Variants in TRAPPC9 observed in about 807,000 individuals in gnomAD.
The protein encoded by TRAPPC9 is IKK2 binding protein.
A neutral mutation model predicts 124.0 loss-of-function variants in TRAPPC9; 83 were observed. The observed-to-expected ratio is 0.67, with a 90% CI of 0.56 to 0.80. The LOEUF (loss-of-function observed/expected upper bound fraction) is 0.80, where lower values mean the gene tolerates loss of function less well. Ranked by LOEUF, TRAPPC9 falls within the 30% of genes least tolerant of loss-of-function variation. The probability of loss-of-function intolerance (pLI) is 0.00; values close to 1 mark genes in which losing one functional copy is unlikely to be tolerated. For missense variants in TRAPPC9, 1,302 were observed against 1,508.3 expected (o/e 0.86, Z 2.27); for synonymous variants, 638 against 617.5 (o/e 1.03, Z -0.49).
At chr8:140,333,608 C>T (rs998295073) in intron 9 of TRAPPC9, among the ~76,000 whole-genome samples, 1 of 152,196 alleles carries the variant, frequency 6.6e-6, no homozygotes, top group Non-Finnish European at 1.5e-5. Context: ...CCAGGCTGGT[C>T]TCAAACTCCT....
intron 16 of TRAPPC9, among the ~76,000 whole-genome samples, chr8:140,242,153 AG>A (rs1792085411): frequency 7.5e-6 from 1 of 134,028 alleles, no homozygotes; most frequent in Non-Finnish European, 1.6e-5. Context: ...AGAGAGAGAG[AG>A]AGAGAGAGAG....
intron 17 of TRAPPC9, among the ~76,000 whole-genome samples, chr8:140,204,764 GCCTGCAGAACCATGA>G (rs2062882442): frequency 6.6e-6 from 1 of 152,212 alleles, no homozygotes; most frequent in African/African-American, 2.4e-5. Context: ...CTTCCTTGCA[GCCTGCAGAACCATGA>G]GCCAGTTAAA....
chr8:139,847,072 G>A (rs1827130900), intron 21 of TRAPPC9, among the ~76,000 whole-genome samples: 6 of 152,230 alleles, frequency 3.9e-5, no homozygotes, highest in Admixed American at 3.9e-4. Flanking sequence ...AGGGTCCCCA[G>A]ATGCAGCAAC....
chr8:140,024,254 G>C (rs573255835), intron 17 of TRAPPC9, among the ~76,000 whole-genome samples, 175 bp from the exon 18 acceptor site: 1 of 152,040 alleles, frequency 6.6e-6, no homozygotes, highest in Admixed American at 6.6e-5. Context: ...CCCCCGGCGG[G>C]GACCGACTCA....
chr8:139,906,825 T>C (rs1402867363), intron 20 of TRAPPC9, among the ~76,000 whole-genome samples: 2 of 152,168 alleles, frequency 1.3e-5, no homozygotes, highest in Non-Finnish European at 2.9e-5. Flanking sequence ...CCAGGGGCGC[T>C]TGCATCTTTG....
At chr8:139,927,019 T>C (rs1030862624) in intron 19 of TRAPPC9, among the ~76,000 whole-genome samples, 1 of 152,176 alleles carries the variant, frequency 6.6e-6, no homozygotes, top group African/African-American at 2.4e-5. Context: ...AATAGACATT[T>C]CATCAAAGAA....
At chr8:139,890,858 A>T (rs932936139) in intron 20 of TRAPPC9, among the ~76,000 whole-genome samples, 1 of 151,852 alleles carries the variant, frequency 6.6e-6, no homozygotes, top group Admixed American at 6.6e-5. Flanking sequence ...AAAAATAAAA[A>T]AATTTAAAAA....
chr8:140,196,789 G>A (rs1183810217), intron 17 of TRAPPC9, among the ~76,000 whole-genome samples: 1 of 151,816 alleles, frequency 6.6e-6, no homozygotes, highest in Non-Finnish European at 1.5e-5. Flanking sequence ...TCACACCTGT[G>A]ACACTAAAAC....
intron 20 of TRAPPC9, among the ~76,000 whole-genome samples, chr8:139,909,803 G>C (rs1831593489): frequency 6.6e-6 from 1 of 152,176 alleles, no homozygotes; most frequent in African/African-American, 2.4e-5. Flanking sequence ...GTTTTCAGCT[G>C]TCAGTCTGTG....
chr8:140,430,480 C>G (rs1380146378), intron 4 of TRAPPC9, among the ~76,000 whole-genome samples: 1 of 152,140 alleles, frequency 6.6e-6, no homozygotes, highest in Non-Finnish European at 1.5e-5. Context: ...GTGCTGCACT[C>G]AGGAAGCACA....
At chr8:140,211,034 G>T (rs2063050763) in intron 17 of TRAPPC9, among the ~76,000 whole-genome samples, 1 of 150,672 alleles carries the variant, frequency 6.6e-6, no homozygotes, top group Non-Finnish European at 1.5e-5. Flanking sequence ...TTAAAAACTT[G>T]AATACATTTG....
intron 4 of TRAPPC9, among the ~76,000 whole-genome samples, chr8:140,428,200 C>A (rs576296999): frequency 6.6e-6 from 1 of 152,084 alleles, no homozygotes; most frequent in Admixed American, 6.5e-5. Context: ...CTTTTGATGC[C>A]CCAGAGTTAT....
chr8:140,362,795 T>G (rs1221017870), intron 8 of TRAPPC9, among the ~76,000 whole-genome samples: 1 of 152,226 alleles, frequency 6.6e-6, no homozygotes, highest in East Asian at 1.9e-4. Context: ...TTAACTAATC[T>G]CAACACTACC....
chr8:139,819,160 A>G (rs2035088), intron 21 of TRAPPC9, among the ~76,000 whole-genome samples: 82,734 of 152,046 alleles, frequency 0.54, 26,128 homozygotes, highest in African/African-American at 0.86. Flanking sequence ...AAACCCTATT[A>G]TGAACTGCAC....
chr8:139,889,870 A>G (rs1830227800), intron 20 of TRAPPC9, among the ~76,000 whole-genome samples: 1 of 152,132 alleles, frequency 6.6e-6, no homozygotes. Context: ...TCCTCCAATC[A>G]AGCATGCAGC....
At chr8:140,439,823 C>T (rs1181314673) in intron 2 of TRAPPC9, among the ~76,000 whole-genome samples, 2 of 152,034 alleles carry the variant, frequency 1.3e-5, no homozygotes, top group African/African-American at 4.8e-5. Context: ...TTTTTAAATA[C>T]ATCTAACCTT....
intron 10 of TRAPPC9, among the ~76,000 whole-genome samples, chr8:140,304,649 G>A (rs2066073617): frequency 6.6e-6 from 1 of 152,194 alleles, no homozygotes; most frequent in Non-Finnish European, 1.5e-5. Flanking sequence ...CACGGACCAG[G>A]TGCTGAGAGC....
chr8:139,844,279 C>A (rs577336308), intron 21 of TRAPPC9, among the ~76,000 whole-genome samples: 1 of 152,386 alleles, frequency 6.6e-6, no homozygotes, highest in Admixed American at 6.5e-5. Context: ...CCTGAGACCA[C>A]ACCCGGCTGT....
chr8:139,952,124 T>C (rs1834679858), intron 19 of TRAPPC9, among the ~76,000 whole-genome samples: 1 of 152,198 alleles, frequency 6.6e-6, no homozygotes, highest in African/African-American at 2.4e-5. Context: ...TGTTACTAAC[T>C]TCAGTCTCAA....
Sources: gnomAD v4.1 joint callset for allele counts (sites outside exome capture counted in the v4.1 genomes callset) on GRCh38, gnomAD v4.1.1 for gene constraint, MANE v1.5 for transcripts, NCBI Gene and HGNC (gene_info 2026-07-23, HGNC 2026-07-21) for gene names.